The following USH2A variants were observed in gnomAD, a reference collection of about 807,000 sequenced individuals.
The protein encoded by USH2A is usherin.
A neutral mutation model predicts 538.9 loss-of-function variants in USH2A; 443 were observed. The observed-to-expected ratio is 0.82, with a 90% CI of 0.76 to 0.89. The LOEUF (loss-of-function observed/expected upper bound fraction) is 0.89. Among genes scored for constraint, USH2A ranks in the 40% least tolerant of loss-of-function variants. The pLI is 0.00. For synonymous variants in USH2A, 2,413 were observed against 2,273.5 expected (o/e 1.06, Z -1.75); for missense variants, 6,633 against 6,324.8 (o/e 1.05, Z -1.65).
chr1:216,415,431 A>C (rs1461726519), intron 3 of USH2A, among the ~76,000 whole-genome samples: 2 of 151,900 alleles, frequency 1.3e-5, no homozygotes, highest in South Asian at 2.1e-4. Context: ...GATTCCTATA[A>C]ATTTTATTCT....
chr1:216,323,566 C>A lies in USH2A; in HGVS notation c.1458G>T (p.Arg486Ser). Residue 486 changes from arginine (R) to serine (S), a missense_variant, in exon 8 of 72, where the codon AGG becomes AGT. By Grantham distance (110) the Arg-to-Ser change is moderately radical (BLOSUM62 -1). Coordinates refer to ENST00000307340, the MANE Select transcript of USH2A (RefSeq NM_206933.4). ...LQEFVKATQI[R>S]FHFHGQYYTT... ...TATAGTACTGCCCATGAAAATGAAA[C>A]CTTATTTGCGTGGCTTTTACGAACT... 6.2e-7 allele frequency: 1 copy of A among 1,613,462 alleles called. No homozygotes were observed. The highest frequency in any genetic ancestry group is 8.5e-7 in the Non-Finnish European group (1 of 1,179,762).
At chr1:215,837,360 C>G (rs1361636721) in intron 47 of USH2A, among the ~76,000 whole-genome samples, 2 of 152,014 alleles carry the variant, frequency 1.3e-5, no homozygotes, top group African/African-American at 2.4e-5. Context: ...CTTTTCCCAG[C>G]CTCAACTTGA....
intron 35 of USH2A, among the ~76,000 whole-genome samples, chr1:215,976,964 G>A (rs1340833228): frequency 2.7e-5 from 4 of 150,512 alleles, no homozygotes; most frequent in East Asian, 1.9e-4. Context: ...TGGAATTTGG[G>A]TGTGAATCCA....
At chr1:216,009,491 G>A (rs554870862) in intron 32 of USH2A, among the ~76,000 whole-genome samples, 36 of 152,216 alleles carry the variant, frequency 2.4e-4, no homozygotes, top group Admixed American at 1.9e-3. Context: ...AACGGTCTGA[G>A]GTGCCTGACG....
At chr1:216,334,890 G>C (rs1347459504) in intron 4 of USH2A, among the ~76,000 whole-genome samples, 3 of 151,746 alleles carry the variant, frequency 2.0e-5, no homozygotes, top group Admixed American at 1.3e-4. Flanking sequence ...ATCATGGAGA[G>C]AGCAACTACA....
chr1:215,837,873 C>G, intron 47 of USH2A, 118 bp downstream of exon 47: 1 of 840,754 alleles, frequency 1.2e-6, no homozygotes, highest in Non-Finnish European at 2.0e-6. Flanking sequence ...TTGATTTACA[C>G]ACATACTTAT....
intron 21 of USH2A, among the ~76,000 whole-genome samples, chr1:216,168,659 C>T (rs928485575): frequency 4.6e-5 from 7 of 152,232 alleles, no homozygotes; most frequent in Middle Eastern, 3.4e-3. Context: ...GTTTAGAAGC[C>T]GTGCAGCCTC....
At chr1:216,386,219 C>T (rs531108070) in intron 3 of USH2A, among the ~76,000 whole-genome samples, 6 of 152,148 alleles carry the variant, frequency 3.9e-5, no homozygotes, top group African/African-American at 9.6e-5. Flanking sequence ...CATTTCAGGC[C>T]GGGTGCAGTG....
At chr1:215,786,649 A>G in intron 52 of USH2A, 21 bp downstream of exon 52, 1 of 1,613,732 alleles carries the variant, frequency 6.2e-7, no homozygotes. Context: ...AGCCATGGGC[A>G]GACAGCTTGC....
intron 4 of USH2A, among the ~76,000 whole-genome samples, chr1:216,363,354 G>GATC (rs2038532982): frequency 1.3e-5 from 2 of 151,964 alleles, no homozygotes; most frequent in South Asian, 2.1e-4. Flanking sequence ...TCAATATTAT[G>GATC]ATCATCATCA....
intron 11 of USH2A, among the ~76,000 whole-genome samples, chr1:216,264,862 T>C (rs1219763768): frequency 1.3e-5 from 2 of 152,002 alleles, no homozygotes; most frequent in East Asian, 1.9e-4. Context: ...TGGCTATCCA[T>C]GTGCAAATGA....
At chr1:215,962,822 G>A (rs1667235177) in intron 37 of USH2A, among the ~76,000 whole-genome samples, 1 of 151,998 alleles carries the variant, frequency 6.6e-6, no homozygotes, top group Admixed American at 6.6e-5. Flanking sequence ...GGTCAAAAGT[G>A]AACAATTTTT....
intron 26 of USH2A, chr1:216,083,248 G>T: frequency 2.1e-6 from 1 of 469,154 alleles, no homozygotes; most frequent in Non-Finnish European, 3.7e-6. Flanking sequence ...AATTATAATT[G>T]TTACAATTGT....
At chr1:215,904,000 A>G (rs934499326) in intron 38 of USH2A, among the ~76,000 whole-genome samples, 3 of 152,156 alleles carry the variant, frequency 2.0e-5, no homozygotes, top group Non-Finnish European at 2.9e-5. Flanking sequence ...TTTGACATAT[A>G]TACTTTAATT....
intron 37 of USH2A, among the ~76,000 whole-genome samples, chr1:215,960,125 GT>G (rs1667164200): frequency 6.6e-6 from 1 of 152,012 alleles, no homozygotes; most frequent in Non-Finnish European, 1.5e-5. Flanking sequence ...TCTTTTCATA[GT>G]TTTTATTTTT....
chr1:216,046,380 T>A, intron 32 of USH2A, 51 bp downstream of exon 32: 1 of 1,608,912 alleles, frequency 6.2e-7, no homozygotes, highest in Non-Finnish European at 8.5e-7. Flanking sequence ...TATGTATGTT[T>A]ATATTTGAAT....
chr1:216,104,314 G>A (rs2032676925), intron 21 of USH2A, among the ~76,000 whole-genome samples: 1 of 151,902 alleles, frequency 6.6e-6, no homozygotes, highest in African/African-American at 2.4e-5. Flanking sequence ...AGAACATGCG[G>A]TGTTTGGTTT....
chr1:215,813,039 T>C (rs1662740655), intron 49 of USH2A, among the ~76,000 whole-genome samples: 1 of 152,232 alleles, frequency 6.6e-6, no homozygotes, highest in Non-Finnish European at 1.5e-5. Context: ...GTGAAGATTC[T>C]ATAAGGTATC....
intron 11 of USH2A, among the ~76,000 whole-genome samples, chr1:216,258,648 G>C (rs1461172539): frequency 6.6e-6 from 1 of 152,082 alleles, no homozygotes; most frequent in Non-Finnish European, 1.5e-5. Flanking sequence ...TCTGTAAGCA[G>C]TAATCCGGGT....
Sources: allele counts gnomAD v4.1 joint callset (sites outside exome capture counted in the v4.1 genomes callset), GRCh38; gene constraint gnomAD v4.1.1; transcripts MANE v1.5; gene names NCBI Gene and HGNC (gene_info 2026-07-23, HGNC 2026-07-21).